PLEKHG2: variants seen among roughly 807,000 people sequenced by gnomAD.
PLEKHG2 encodes pleckstrin homology domain-containing family G member 2.
In PLEKHG2, 71 loss-of-function variants were observed where a neutral mutation model predicts 104.4. The ratio of observed to expected loss-of-function variants is 0.68; its 90% CI spans 0.56 to 0.83. PLEKHG2 has a LOEUF of 0.83. Among genes scored for constraint, PLEKHG2 ranks in the 40% least tolerant of loss-of-function variants. The pLI is 0.00. For missense variants in PLEKHG2, 1,730 were observed against 1,809.4 expected, an observed-to-expected ratio of 0.96 and a Z score of 0.80; for synonymous variants, 728 against 737.0, an observed-to-expected ratio of 0.99 and a Z score of 0.20.
chr19:39,420,670 G>T lies in PLEKHG2; in HGVS notation c.1297+11G>T, dbSNP rs1231920012. 6.8e-6 allele frequency: 11 copies of T among 1,614,016 alleles called. No individual in the cohort carries two copies. The African/African-American group carries it at 1.3e-4, about 20-fold the overall frequency. ...AAAACAGCCTGCATTGTGAGTTGGGGCCTTGGGCTGGGAGGGTGTGGAAGT... is the reference window on the plus strand; with the variant it reads ...AAAACAGCCTGCATTGTGAGTTGGGTCCTTGGGCTGGGAGGGTGTGGAAGT... On this transcript the variant is annotated intron_variant, in intron 12 of 18. Transcript: ENST00000425673.
chr19:39,424,828 A>G lies in PLEKHG2; in HGVS notation c.3695A>G (p.Gln1232Arg). 6.2e-7 allele frequency: 1 copy of G among 1,614,180 alleles called. No homozygotes were observed. Among genetic ancestry groups the G allele is most frequent in the South Asian group, 1.1e-5 (1 of 91,080 alleles). Reference protein sequence around the residue: ...DIQGLSPTPVQTTMVLSKPGG... With the variant: ...DIQGLSPTPVRTTMVLSKPGG... ...CAGGGCCTCTCACCCACCCCAGTTC[A>G]GACCACCATGGTTTTGTCCAAACCA... The change falls in exon 19 of 19, where the codon CAG (glutamine) becomes CGG (arginine). Residue 1232 changes from glutamine to arginine, a missense_variant. Transcript: ENST00000425673.
chr19:39,414,207 G>A lies in PLEKHG2; in HGVS notation c.109+12G>A, dbSNP rs1309294945. On this transcript the variant is annotated intron_variant, in intron 2 of 18. Transcript: ENST00000425673. ...TGAGACTCGGACAGGTGAGCCTAGA[G>A]GCAGGGGCGGCGGAGCCTGTGGGGC... The A allele has an allele frequency of 6.5e-7, 1 of 1,550,318 alleles. No individual in the cohort carries two copies. Among genetic ancestry groups the A allele is most frequent in the Admixed American group, 2.0e-5 (1 of 50,976 alleles).
intron 11 of PLEKHG2, 33 bp downstream of exon 11, chr19:39,419,036 A>G (rs760192317): frequency 1.2e-5 from 19 of 1,571,008 alleles, no homozygotes; most frequent in Non-Finnish European, 1.3e-5. Context: ...GGGCCCTCTG[A>G]GTGCTGGAGA....
rs2078776377 is a variant in PLEKHG2 at position 39,425,873 on chromosome 19, CCAT to C, written c.*584_*586del. ...CCGCTCCATCTACCCATCTTCCAAT[CCAT>C]CATCTCACGTATCTGCCTTGCTTAT... On this transcript the variant is annotated 3_prime_UTR_variant, in exon 19 of 19. Coordinates refer to ENST00000425673, the MANE Select transcript of PLEKHG2 (RefSeq NM_022835.3). 6.5e-6 allele frequency: 1 copy of C among 154,594 alleles called. No homozygotes were observed. Among genetic ancestry groups the C allele is most frequent in the Non-Finnish European group, 1.4e-5 (1 of 69,764 alleles). 9.6% of individuals were successfully genotyped at this position (154,594 alleles called of 1,614,324 possible). A position where few individuals can be genotyped will look rare whatever the true frequency, so the allele number is the denominator to read the frequency against.
intron 11 of PLEKHG2, 118 bp from the exon 12 acceptor site, chr19:39,420,508 A>G: frequency 7.7e-7 from 1 of 1,302,298 alleles, no homozygotes; most frequent in Non-Finnish European, 1.1e-6. Flanking sequence ...TGGCGTATAG[A>G]GCAAGATCTA....
rs182231306 is a variant in PLEKHG2, at chr19:39,426,328, C to T, written c.*1034C>T. ...ACATACCTCAGATCCCTTCACTCCT[C>T]CCCGCAGTTTGCAGCCTCTACAATT... On this transcript the variant is annotated 3_prime_UTR_variant, in exon 19 of 19. Coordinates refer to ENST00000425673, the MANE Select transcript of PLEKHG2 (RefSeq NM_022835.3). 2 of 152,386 alleles carry T rather than the reference C, an allele frequency of 1.3e-5. No individual in the cohort carries two copies. The highest frequency in any genetic ancestry group is 3.9e-4 in the East Asian group (2 of 5,186). The allele number at this position is 152,386 out of a possible 1,614,324, so 9.4% of individuals were successfully genotyped here. A position where few individuals can be genotyped will look rare whatever the true frequency, so the allele number is the denominator to read the frequency against.
In PLEKHG2 at chr19:39,414,308, T is replaced by C. The variant is rs989451232; in HGVS notation, c.109+113T>C. 1.5e-5 allele frequency: 17 copies of C among 1,140,818 alleles called. No homozygotes were observed. The Admixed American group carries it at 3.4e-4, about 23-fold the overall frequency. 70.7% of individuals were successfully genotyped at this position (1,140,818 alleles called of 1,614,324 possible). A position where few individuals can be genotyped will look rare whatever the true frequency, so the allele number is the denominator to read the frequency against. ...GCCAACTCGCACAAAGCTCCGAGTC[T>C]GGTGGGGAAGGCGGGCCCATCCCCA... On this transcript the variant is annotated intron_variant, in intron 2 of 18. Transcript: ENST00000425673.
rs771772777 is a variant in PLEKHG2 at position 39,415,507 on chromosome 19, C to G, written c.479+68C>G. On this transcript the variant is annotated intron_variant, in intron 4 of 18. Coordinates refer to ENST00000425673, the MANE Select transcript of PLEKHG2 (RefSeq NM_022835.3). The surrounding 1 kb of genome is among the most constrained non-coding windows in gnomAD (Gnocchi z 4.6). ...AGGGTCTATTTCCTAATCCAAACCT[C>G]GGAGCTTCGTAGTGTCCTGTCCAGG... 2.6e-6 allele frequency: 4 copies of G among 1,539,506 alleles called. No individual in the cohort carries two copies. The highest frequency in any genetic ancestry group is 3.8e-4 in the Middle Eastern group (2 of 5,232).
chr19:39,422,614 C>T (rs1488267632), intron 17 of PLEKHG2, 118 bp from the exon 18 acceptor site: 6 of 1,300,188 alleles, frequency 4.6e-6, no homozygotes, highest in Middle Eastern at 2.8e-4. Context: ...GTCTCGAACT[C>T]GTAACCTCAA....
At chr19:39,422,036 G>C (rs537651129) in intron 16 of PLEKHG2, 79 bp from the exon 17 acceptor site, 123 of 1,414,986 alleles carry the variant, frequency 8.7e-5, no homozygotes, top group Non-Finnish European at 1.1e-4. Flanking sequence ...AAACGCAAAA[G>C]AAGGGGATTG....
chr19:39,415,467 G>A lies in PLEKHG2; in HGVS notation c.479+28G>A, dbSNP rs1568389553. 3 of 1,610,600 alleles carry A rather than the reference G, an allele frequency of 1.9e-6. No homozygotes were observed. The highest frequency in any genetic ancestry group is 2.5e-6 in the Non-Finnish European group (3 of 1,177,742). The stretch of plus-strand genomic sequence containing the variant: ...CAGGGGCAGGGGGGACAGGCAGGGG[G>A]CATTGATTGGTTGGAGGGTCTATTT... On this transcript the variant is annotated intron_variant, in intron 4 of 18. Transcript: ENST00000425673. The surrounding 1 kb of genome is among the most constrained non-coding windows in gnomAD (Gnocchi z 4.6).
At chr19:39,420,316 G>T (rs142464146) in intron 11 of PLEKHG2, among the ~76,000 whole-genome samples, 1 of 151,160 alleles carries the variant, frequency 6.6e-6, no homozygotes, top group Non-Finnish European at 1.5e-5. Context: ...CCGAAATCGC[G>T]CCTTTGCACT....
At position 39,424,750 on chromosome 19, in the gene PLEKHG2, C is replaced by T; in HGVS notation, c.3617C>T (p.Ala1206Val). The T allele has an allele frequency of 1.2e-6, 2 of 1,614,190 alleles. No individual in the cohort carries two copies. Among genetic ancestry groups the T allele is most frequent in the Non-Finnish European group, 1.7e-6 (2 of 1,180,038 alleles). ...TTGGAGCAGAAGAGCCTCATAGATG[C>T]CCATGTTCCAGCTGCCACACCTTTA... ...PSLEQKSLIDAHVPAATPLPE... is the reference protein window; with the variant it reads ...PSLEQKSLIDVHVPAATPLPE... Residue 1206 changes from alanine (A) to valine (V), a missense_variant, in exon 19 of 19, where the codon GCC becomes GTC. Ala to Val is a moderately conservative substitution (Grantham distance 64, BLOSUM62 0). Transcript: ENST00000425673.
Position 39,416,815 on chromosome 19 carries a change from C to T in PLEKHG2, c.594-35C>T. The T allele has an allele frequency of 6.4e-7, 1 of 1,562,626 alleles. No individual in the cohort carries two copies. The highest frequency in any genetic ancestry group is 8.7e-7 in the Non-Finnish European group (1 of 1,155,586). On this transcript the variant is annotated intron_variant, in intron 6 of 18. Transcript: ENST00000425673. The surrounding 1 kb of genome is among the most constrained non-coding windows in gnomAD (Gnocchi z 4.5). ...CCCCTCTTGACCCCGCCCACTGGAA[C>T]TGACAATCCCCACTGACCTGTGCTG...
At chr19:39,417,511 C>T in intron 7 of PLEKHG2, 44 bp from the exon 8 acceptor site, 1 of 1,599,924 alleles carries the variant, frequency 6.3e-7, no homozygotes, top group Non-Finnish European at 8.5e-7. Context: ...TTCTCCTTCT[C>T]TGTTTCTCTC....
Position 39,421,359 on chromosome 19 carries a change from G to A in PLEKHG2, c.1503+60G>A, listed in dbSNP as rs533058334. ...TGACTTCTGGGTCTGATGGAGAAGG[G>A]AGCTTGAGTTCCAAAATCCTGGGTC... On this transcript the variant is annotated intron_variant, in intron 16 of 18. Transcript: ENST00000425673. 50 of 1,564,680 alleles carry A rather than the reference G, an allele frequency of 3.2e-5. No homozygotes were observed. In the African/African-American group the frequency reaches 5.7e-4, roughly 18 times the overall value.
Position 39,415,271 on chromosome 19 carries a change from C to T in PLEKHG2, c.378+11C>T, listed in dbSNP as rs1230746466. Reference sequence around the variant, plus strand: ...CGCAGCATCGTGGAGGTAAGGCGGGCAGACACCAGAGGGCAGTGGGTACCC... The same window carrying T: ...CGCAGCATCGTGGAGGTAAGGCGGGTAGACACCAGAGGGCAGTGGGTACCC... On this transcript the variant is annotated intron_variant, in intron 3 of 18. Coordinates refer to ENST00000425673, the MANE Select transcript of PLEKHG2 (RefSeq NM_022835.3). The surrounding 1 kb of genome is among the most constrained non-coding windows in gnomAD (Gnocchi z 4.6). 6.3e-7 allele frequency: 1 copy of T among 1,598,748 alleles called. No homozygotes were observed. Among genetic ancestry groups the T allele is most frequent in the Non-Finnish European group, 8.5e-7 (1 of 1,172,320 alleles).
Position 39,417,563 on chromosome 19 carries a change from G to A in PLEKHG2, c.753G>A (p.Gly251=). 6.2e-7 allele frequency: 1 copy of A among 1,613,986 alleles called. No individual in the cohort carries two copies. Among genetic ancestry groups the A allele is most frequent in the Non-Finnish European group, 8.5e-7 (1 of 1,179,982 alleles). The part of the protein sequence containing the change: ...LKYHLLLQEL[G]KHWAEGPGTG... ...TGGTGGCTGCCTGACAGGAACTAGG[G>A]AAGCACTGGGCGGAGGGCCCAGGCA... Residue 251 remains glycine, a synonymous_variant, in exon 8 of 19, where the codon GGG becomes GGA. Coordinates refer to ENST00000425673, the MANE Select transcript of PLEKHG2 (RefSeq NM_022835.3).
At chr19:39,420,696 A>G (rs1466294970) in intron 12 of PLEKHG2, 37 bp downstream of exon 12, 1 of 1,614,056 alleles carries the variant, frequency 6.2e-7, no homozygotes, top group African/African-American at 1.3e-5. Flanking sequence ...GTGTGGAAGT[A>G]GACGAATTAC....
Sources: gnomAD v4.1 joint callset for allele counts (sites outside exome capture counted in the v4.1 genomes callset) on GRCh38, gnomAD v4.1.1 for gene constraint, Gnocchi (gnomAD v3.1) non-coding constraint, MANE v1.5 for transcripts, NCBI Gene and HGNC (gene_info 2026-07-23, HGNC 2026-07-21) for gene names.